The following DSC3 variants were observed in gnomAD, a reference collection of about 807,000 sequenced individuals.
DSC3 encodes the protein desmocollin 3.
Under a neutral mutation model 89.5 loss-of-function variants are expected in DSC3, and 97 were observed. That is an observed-to-expected ratio of 1.08 (90% CI 0.92 to 1.28). The LOEUF (loss-of-function observed/expected upper bound fraction) is 1.28. Among genes scored for constraint, DSC3 ranks in the 50% most tolerant of loss-of-function variants. DSC3 has a pLI of 0.00. For missense variants in DSC3, 1,199 were observed against 1,085.3 expected, an observed-to-expected ratio of 1.10 and a Z score of -1.47; for synonymous variants, 436 against 384.1, an observed-to-expected ratio of 1.14 and a Z score of -1.58.
In DSC3 at chr18:31,004,217, T is replaced by C. The variant is rs775067644; in HGVS notation, c.2038A>G (p.Thr680Ala). 6.2e-7 allele frequency: 1 copy of C among 1,614,028 alleles called. No homozygotes were observed. Among genetic ancestry groups the C allele is most frequent in the South Asian group, 1.1e-5 (1 of 91,088 alleles). Residue 680 changes from threonine (T) to alanine (A), a missense_variant, in exon 13 of 16, where the codon ACT becomes GCT. Thr to Ala is a moderately conservative substitution (Grantham distance 58). Coordinates refer to ENST00000360428, the MANE Select transcript of DSC3 (RefSeq NM_001941.5). ...ECTHPTQCRATSRSTGVILGK... is the reference protein window; with the variant it reads ...ECTHPTQCRAASRSTGVILGK... Reference sequence around the variant, plus strand: ...AGTATTACTCCTGTACTCCTTGAAGTCGCACGACACTGAGTTGGATGAGTA... The same window carrying C: ...AGTATTACTCCTGTACTCCTTGAAGCCGCACGACACTGAGTTGGATGAGTA...
intron 7 of DSC3, among the ~76,000 whole-genome samples, chr18:31,020,925 G>A (rs1231419849): frequency 2.0e-5 from 3 of 152,124 alleles, no homozygotes; most frequent in Non-Finnish European, 4.4e-5. Flanking sequence ...CTGGGCAAGA[G>A]AGCGAGACCC....
In DSC3 at chr18:31,040,413, A is replaced by G. The variant is rs966405382; in HGVS notation, c.69+2179T>C. ...CCCTAACAATTCTGGTTACATTAAG[A>G]GGAAAAAACACTTTCTGAGGCAATC... On this transcript the variant is annotated intron_variant, in intron 1 of 15. Transcript: ENST00000360428. 3.9e-5 allele frequency among the ~76,000 whole-genome samples: 6 copies of G among 152,210 alleles called. No homozygotes were observed. The East Asian group carries it at 9.6e-4, about 24-fold the overall frequency.
At chr18:31,033,408 G>C (rs1003821802) in intron 1 of DSC3, among the ~76,000 whole-genome samples, 1 of 152,086 alleles carries the variant, frequency 6.6e-6, no homozygotes, top group Non-Finnish European at 1.5e-5. Flanking sequence ...GCTGGCAATA[G>C]AATAAATATA....
In DSC3 at chr18:31,001,778, A is replaced by G. The variant is rs752228509; in HGVS notation, c.2114-39T>C. On this transcript the variant is annotated intron_variant, in intron 13 of 15. Transcript: ENST00000360428. The stretch of plus-strand genomic sequence containing the variant: ...TAAAAATAAAATAACTTACTTTAGC[A>G]TACATAGAATAAAATAATCATCATT... 3.4e-6 allele frequency: 5 copies of G among 1,454,914 alleles called. No homozygotes were observed. In the South Asian group the frequency reaches 4.0e-5, roughly 12 times the overall value. 90.1% of individuals were successfully genotyped at this position (1,454,914 alleles called of 1,614,324 possible).
At chr18:31,032,140 C>T in intron 2 of DSC3, 52 bp downstream of exon 2, 1 of 1,296,862 alleles carries the variant, frequency 7.7e-7, no homozygotes, top group South Asian at 1.2e-5. Context: ...ATGCTCTTTC[C>T]AGCCTATGTA....
rs1984327180 is a variant in DSC3 at position 30,993,062 on chromosome 18, C to T, written c.*1113G>A. 1 of 152,198 alleles carries T rather than the reference C, an allele frequency of 6.6e-6. No individual in the cohort carries two copies. The highest frequency in any genetic ancestry group is 6.5e-5 in the Admixed American group (1 of 15,272). 9.4% of individuals were successfully genotyped at this position (152,198 alleles called of 1,614,324 possible). ...AGATCCTCCCCTCAGCTCCCTCTAG[C>T]CTCTAAACTCTAGGAGGACATGGTT... On this transcript the variant is annotated 3_prime_UTR_variant, in exon 16 of 16. Transcript: ENST00000360428.
At chr18:30,997,192 T>G in intron 14 of DSC3, 144 bp from the exon 15 acceptor site, 1 of 1,061,646 alleles carries the variant, frequency 9.4e-7, no homozygotes, top group Non-Finnish European at 1.4e-6. Context: ...AGTTTCTAAT[T>G]ATGTGCCCAG....
At position 30,994,361 on chromosome 18, in the gene DSC3, T is replaced by A. The variant is rs755196914; in HGVS notation, c.2505A>T (p.Arg835=). Residue 835 remains arginine, a synonymous_variant, in exon 16 of 16, where the codon CGA becomes CGT. Coordinates refer to ENST00000360428, the MANE Select transcript of DSC3 (RefSeq NM_001941.5). ...TQPRLGEKLH[R]CNQNEDRMPS... ...GCATGCGGTCTTCATTCTGATTACATCGATGCAATTTCTGTAAAATTTTTT... is the reference window on the plus strand; with the variant it reads ...GCATGCGGTCTTCATTCTGATTACAACGATGCAATTTCTGTAAAATTTTTT... 19 of 1,613,854 alleles carry A rather than the reference T, an allele frequency of 1.2e-5. 1 individual carries two copies. In the South Asian group the frequency reaches 1.9e-4, roughly 16 times the overall value.
chr18:31,028,620 A>C (rs959298703), intron 4 of DSC3, among the ~76,000 whole-genome samples: 2 of 152,158 alleles, frequency 1.3e-5, no homozygotes, highest in Non-Finnish European at 2.9e-5. Context: ...TGAAACAATT[A>C]GTACACAGGT....
At chr18:31,024,543 C>T (rs776765872) in intron 5 of DSC3, 50 bp from the exon 6 acceptor site, 6 of 1,590,452 alleles carry the variant, frequency 3.8e-6, no homozygotes, top group Non-Finnish European at 4.3e-6. Context: ...CCCGGCAAGA[C>T]AGAATAAGAT....
Position 30,993,986 on chromosome 18 carries a change from G to C in DSC3, c.*189C>G. On this transcript the variant is annotated 3_prime_UTR_variant, in exon 16 of 16. Transcript: ENST00000360428. ...GGAGTTTGAGATTTACCAGTTGTCT[G>C]TTTTAACATTTTTCACTTTTTGGAA... 1 of 570,324 alleles carries C rather than the reference G, an allele frequency of 1.8e-6. No individual in the cohort carries two copies. Among genetic ancestry groups the C allele is most frequent in the South Asian group, 2.1e-5 (1 of 47,378 alleles). 35.3% of individuals were successfully genotyped at this position (570,324 alleles called of 1,614,324 possible).
chr18:31,000,882 G>A (rs28649248), intron 14 of DSC3, among the ~76,000 whole-genome samples: 19,213 of 151,500 alleles, frequency 0.13, 1,473 homozygotes, highest in African/African-American at 0.21. Context: ...TTATTGTCAT[G>A]TTCCTATTTT....
intron 13 of DSC3, among the ~76,000 whole-genome samples, chr18:31,003,102 C>A (rs1184811071): frequency 6.6e-6 from 1 of 152,220 alleles, no homozygotes; most frequent in Non-Finnish European, 1.5e-5. Flanking sequence ...GTTCTTCCCC[C>A]AGGCGTTCCG....
At chr18:31,008,878 C>T (rs560002786) in intron 9 of DSC3, among the ~76,000 whole-genome samples, 10 of 152,234 alleles carry the variant, frequency 6.6e-5, no homozygotes, top group Admixed American at 1.3e-4. Flanking sequence ...GCTGGGCTAA[C>T]GGTCATCTGA....
In DSC3 at chr18:31,042,627, C is replaced by T. The variant is rs569043747; in HGVS notation, c.34G>A (p.Gly12Arg). 2 of 1,550,338 alleles carry T rather than the reference C, an allele frequency of 1.3e-6. No homozygotes were observed. Among genetic ancestry groups the T allele is most frequent in the Non-Finnish European group, 1.7e-6 (2 of 1,146,810 alleles). Residue 12 changes from glycine to arginine, a missense_variant, in exon 1 of 16, where the codon GGA (glycine) becomes AGA (arginine). Transcript: ENST00000360428. Reference protein sequence around the residue: ...AAAGPRRSVRGAVCLHLLLTL... With the variant: ...AAAGPRRSVRRAVCLHLLLTL... The stretch of plus-strand genomic sequence containing the variant: ...AGCAGCAGATGCAGGCAGACGGCTC[C>T]GCGCACGGAGCGCCGGGGCCCAGCG...
At chr18:31,039,515 A>C (rs1986069181) in intron 1 of DSC3, among the ~76,000 whole-genome samples, 1 of 152,176 alleles carries the variant, frequency 6.6e-6, no homozygotes, top group Non-Finnish European at 1.5e-5. Flanking sequence ...GCAGAATGGA[A>C]ATATTACCTT....
At chr18:31,009,819 G>C (rs1392993093) in intron 9 of DSC3, among the ~76,000 whole-genome samples, 2 of 152,298 alleles carry the variant, frequency 1.3e-5, no homozygotes, top group East Asian at 3.9e-4. Context: ...ATTTGAGCTT[G>C]AATTTGAAGC....
In DSC3 at chr18:31,008,526, C is replaced by T; in HGVS notation, c.1264-1G>A. ...GACGGTTTTCTTCATAATTCAGTGG[C>T]TTTAAAATAAAGTCCATGTATATCA... On this transcript the variant is annotated splice_acceptor_variant, in intron 9 of 15. Transcript: ENST00000360428. LOFTEE classifies it high-confidence loss of function. 2 of 1,613,946 alleles carry T rather than the reference C, an allele frequency of 1.2e-6. No individual in the cohort carries two copies. Among genetic ancestry groups the T allele is most frequent in the Non-Finnish European group, 1.7e-6 (2 of 1,180,010 alleles).
At chr18:31,012,908 C>A (rs1442599812) in intron 9 of DSC3, among the ~76,000 whole-genome samples, 1 of 151,988 alleles carries the variant, frequency 6.6e-6, no homozygotes, top group Non-Finnish European at 1.5e-5. Context: ...AATGCTAATT[C>A]TCTCCTACTC....
Sources: gnomAD v4.1 joint callset for allele counts (sites outside exome capture counted in the v4.1 genomes callset) on GRCh38, gnomAD v4.1.1 for gene constraint, MANE v1.5 for transcripts, NCBI Gene and HGNC (gene_info 2026-07-23, HGNC 2026-07-21) for gene names.